CSMD1: variants seen among roughly 807,000 people sequenced by gnomAD.
CSMD1 encodes CUB and Sushi multiple domains 1, also known as CUB and sushi domain-containing protein 1.
Under a neutral mutation model 417.5 loss-of-function variants are expected in CSMD1, and 213 were observed. That is an observed-to-expected ratio of 0.51 (90% CI 0.46 to 0.57). The LOEUF (loss-of-function observed/expected upper bound fraction) is 0.57, where lower values mean the gene tolerates loss of function less well. Among genes scored for constraint, CSMD1 ranks in the 20% least tolerant of loss-of-function variants. The pLI is 0.00. For missense variants in CSMD1, 6,923 were observed against 4,529.7 expected (o/e 1.53, Z -15.17); for synonymous variants, 2,862 against 1,736.8 (o/e 1.65, Z -16.11).
intron 3 of CSMD1, among the ~76,000 whole-genome samples, chr8:4,288,451 C>T (rs1001747768): frequency 1.3e-5 from 2 of 152,172 alleles, no homozygotes; most frequent in South Asian, 4.1e-4. Flanking sequence ...ATGCTGTAGC[C>T]ATTTCTCCTG....
chr8:4,009,755 G>T (rs558402465), intron 4 of CSMD1, among the ~76,000 whole-genome samples: 44 of 152,186 alleles, frequency 2.9e-4, no homozygotes, highest in Admixed American at 9.8e-4. Context: ...ACTCCTCCAG[G>T]AGCCAGAATG....
At chr8:3,603,240 C>G (rs1801447949) in intron 8 of CSMD1, among the ~76,000 whole-genome samples, 1 of 152,200 alleles carries the variant, frequency 6.6e-6, no homozygotes, top group African/African-American at 2.4e-5. Context: ...TACTCTGCTT[C>G]AGTTTCCTAG....
chr8:3,652,042 A>C (rs1797882709), intron 7 of CSMD1, among the ~76,000 whole-genome samples: 1 of 146,798 alleles, frequency 6.8e-6, no homozygotes, highest in African/African-American at 2.5e-5. Flanking sequence ...CTACCATCAC[A>C]GCACCCACCA....
chr8:4,385,195 T>G (rs1419260531), intron 3 of CSMD1, among the ~76,000 whole-genome samples: 2 of 152,196 alleles, frequency 1.3e-5, no homozygotes, highest in Non-Finnish European at 2.9e-5. Context: ...CTTAAAGTGA[T>G]GTGATTACAG....
intron 5 of CSMD1, among the ~76,000 whole-genome samples, chr8:3,892,049 G>C (rs1439316473): frequency 6.6e-6 from 1 of 151,924 alleles, no homozygotes; most frequent in Non-Finnish European, 1.5e-5. Flanking sequence ...ATTAAGGAAA[G>C]TCACATTTGG....
chr8:4,091,229 T>A (rs1374796215), intron 3 of CSMD1, among the ~76,000 whole-genome samples: 2 of 152,176 alleles, frequency 1.3e-5, no homozygotes, highest in East Asian at 3.9e-4. Context: ...AAAAGCAGTC[T>A]TAAAGGTGAA....
intron 3 of CSMD1, among the ~76,000 whole-genome samples, chr8:4,344,632 A>G (rs893030645): frequency 6.6e-6 from 1 of 151,842 alleles, no homozygotes; most frequent in African/African-American, 2.4e-5. Context: ...TGCTCAAAGG[A>G]AGGTTTGTTT....
At chr8:3,436,233 A>T (rs1424933518) in intron 12 of CSMD1, among the ~76,000 whole-genome samples, 1 of 152,240 alleles carries the variant, frequency 6.6e-6, no homozygotes, top group African/African-American at 2.4e-5. Context: ...ATTGAAAAAG[A>T]AAATTAAAAT....
chr8:3,226,069 G>T (rs551056231), intron 27 of CSMD1, among the ~76,000 whole-genome samples: 1 of 152,142 alleles, frequency 6.6e-6, no homozygotes, highest in African/African-American at 2.4e-5. Flanking sequence ...ACCCATCTAC[G>T]TTTCTGCATT....
chr8:3,093,406 C>T (rs1472185645), intron 47 of CSMD1, among the ~76,000 whole-genome samples: 3 of 152,168 alleles, frequency 2.0e-5, no homozygotes, highest in African/African-American at 4.8e-5. Context: ...GTGGCTCACA[C>T]CTGTAATCCC....
intron 2 of CSMD1, among the ~76,000 whole-genome samples, chr8:4,575,998 C>T (rs1466197992): frequency 1.3e-5 from 2 of 152,224 alleles, no homozygotes; most frequent in Non-Finnish European, 2.9e-5. Flanking sequence ...GTCCAAGCTG[C>T]CGTGATCTCT....
intron 10 of CSMD1, among the ~76,000 whole-genome samples, chr8:3,556,051 C>A (rs190118870): frequency 6.6e-6 from 1 of 152,056 alleles, no homozygotes. Flanking sequence ...ATTAACTTTT[C>A]GCTCTAGATG....
rs141437097 is a variant in CSMD1, at chr8:3,712,442, C to G, written c.932-3951G>C. Reference sequence around the variant, plus strand: ...ACAGACAGACAGACAGACAGACAGACAGAGAGAGAGAGAAACTAGAGCTGC... The same window carrying G: ...ACAGACAGACAGACAGACAGACAGAGAGAGAGAGAGAGAAACTAGAGCTGC... On this transcript the variant is annotated intron_variant, in intron 6 of 69. Coordinates refer to ENST00000635120, the MANE Select transcript of CSMD1 (RefSeq NM_033225.6). Among the ~76,000 whole-genome samples, 631 of 79,936 alleles carry G rather than the reference C, an allele frequency of 7.9e-3. 3 individuals carry two copies. Among genetic ancestry groups the G allele is most frequent in the African/African-American group, 0.021 (600 of 28,140 alleles). The allele number at this position is 79,936 out of a possible 152,430, so 52.4% of individuals were successfully genotyped here. A position where few individuals can be genotyped will look rare whatever the true frequency, so the allele number is the denominator to read the frequency against.
chr8:4,220,096 CGT>C, intron 3 of CSMD1, among the ~76,000 whole-genome samples: 1 of 152,118 alleles, frequency 6.6e-6, no homozygotes, highest in African/African-American at 2.4e-5. Context: ...ATTACAGGCA[CGT>C]GCCACCATGC....
At chr8:3,924,849 G>T (rs978507396) in intron 5 of CSMD1, among the ~76,000 whole-genome samples, 1 of 151,982 alleles carries the variant, frequency 6.6e-6, no homozygotes, top group Non-Finnish European at 1.5e-5. Context: ...TTGTCAGGCG[G>T]TTCAAAAATT....
intron 3 of CSMD1, among the ~76,000 whole-genome samples, chr8:4,239,033 G>C (rs1233565906): frequency 6.6e-6 from 1 of 152,118 alleles, no homozygotes; most frequent in Non-Finnish European, 1.5e-5. Flanking sequence ...ATCTGCTTTT[G>C]CTGAAATATC....
chr8:3,302,228 G>C (rs533637195), intron 25 of CSMD1, among the ~76,000 whole-genome samples: 7 of 152,312 alleles, frequency 4.6e-5, no homozygotes, highest in South Asian at 4.1e-4. Flanking sequence ...GTTTGGATCA[G>C]CTTCCACCAT....
chr8:3,485,937 G>A (rs549727470), intron 11 of CSMD1, among the ~76,000 whole-genome samples: 5 of 152,192 alleles, frequency 3.3e-5, no homozygotes, highest in South Asian at 4.1e-4. Context: ...AGATCCGGAC[G>A]AAGTCTATAA....
chr8:3,686,292 T>C (rs981340665), intron 7 of CSMD1, among the ~76,000 whole-genome samples: 1 of 152,168 alleles, frequency 6.6e-6, no homozygotes, highest in Non-Finnish European at 1.5e-5. Flanking sequence ...TCAAGAGACG[T>C]GTCATTGACA....
Sources: allele counts gnomAD v4.1 joint callset (sites outside exome capture counted in the v4.1 genomes callset), GRCh38; gene constraint gnomAD v4.1.1; transcripts MANE v1.5; gene names NCBI Gene and HGNC (gene_info 2026-07-23, HGNC 2026-07-21).